Variants in LIMCH1 observed in about 807,000 individuals in gnomAD.
LIMCH1 encodes LIM and calponin homology domains-containing protein 1.
In LIMCH1, 113 loss-of-function variants were observed where a neutral mutation model predicts 176.5. The observed-to-expected ratio is 0.64, with a 90% CI of 0.55 to 0.75. The LOEUF (loss-of-function observed/expected upper bound fraction) is 0.75. Ranked by LOEUF, LIMCH1 falls within the 30% of genes least tolerant of loss-of-function variation. The pLI, the probability that LIMCH1 is intolerant of heterozygous loss-of-function variation, is 0.00. For synonymous variants in LIMCH1, 619 were observed against 645.9 expected (o/e 0.96, Z 0.63); for missense variants, 1,674 against 1,814.9 (o/e 0.92, Z 1.41).
intron 1 of LIMCH1, among the ~76,000 whole-genome samples, chr4:41,397,782 A>G (rs991071186): frequency 2.6e-5 from 4 of 152,354 alleles, no homozygotes; most frequent in Admixed American, 6.5e-5. Context: ...TGACTTTGTC[A>G]ATTTCTCCTT....
At chr4:41,471,328 C>T (rs2066929015) in intron 1 of LIMCH1, among the ~76,000 whole-genome samples, 1 of 152,176 alleles carries the variant, frequency 6.6e-6, no homozygotes, top group Admixed American at 6.5e-5. Flanking sequence ...GAAGCTGACT[C>T]ACCTTGAACT....
intron 4 of LIMCH1, among the ~76,000 whole-genome samples, chr4:41,608,888 A>G (rs1428424737): frequency 6.6e-6 from 1 of 152,042 alleles, no homozygotes; most frequent in Non-Finnish European, 1.5e-5. Context: ...TAAACTCATT[A>G]TTTCTTCCTA....
chr4:41,391,896 T>C (rs1042649171), intron 1 of LIMCH1, among the ~76,000 whole-genome samples: 1 of 152,222 alleles, frequency 6.6e-6, no homozygotes, highest in Admixed American at 6.5e-5. Flanking sequence ...TTTTGATAAA[T>C]GCACTATGGT....
intron 1 of LIMCH1, among the ~76,000 whole-genome samples, chr4:41,407,322 G>T (rs1420745688): frequency 6.6e-6 from 1 of 152,132 alleles, no homozygotes; most frequent in East Asian, 1.9e-4. Flanking sequence ...TCGACCTGCT[G>T]GGCTCAAGCG....
At chr4:41,540,007 T>C (rs1440412992) in intron 1 of LIMCH1, among the ~76,000 whole-genome samples, 2 of 152,212 alleles carry the variant, frequency 1.3e-5, no homozygotes, top group African/African-American at 4.8e-5. Context: ...TTAAGAGCTC[T>C]CCTTCAGGAC....
chr4:41,498,182 C>CAGTCA (rs2072558301), intron 2 of LIMCH1, among the ~76,000 whole-genome samples: 2 of 152,070 alleles, frequency 1.3e-5, no homozygotes, highest in Admixed American at 1.3e-4. Flanking sequence ...TTTGATAGAG[C>CAGTCA]AGTCAAGACC....
chr4:41,578,327 C>A (rs1490706327), intron 1 of LIMCH1, among the ~76,000 whole-genome samples: 1 of 152,110 alleles, frequency 6.6e-6, no homozygotes, highest in African/African-American at 2.4e-5. Context: ...ATGAGAACAG[C>A]GTAGAGGAAA....
intron 1 of LIMCH1, among the ~76,000 whole-genome samples, chr4:41,576,510 T>A (rs542303149): frequency 6.6e-6 from 1 of 152,324 alleles, no homozygotes; most frequent in East Asian, 1.9e-4. Context: ...GAGGTTTTCA[T>A]TGCAGCATTT....
At chr4:41,373,051 T>C (rs563764167) in intron 1 of LIMCH1, among the ~76,000 whole-genome samples, 1 of 152,316 alleles carries the variant, frequency 6.6e-6, no homozygotes, top group South Asian at 2.1e-4. Context: ...AGATTTCCAT[T>C]CCACCTGGAA....
chr4:41,514,645 C>T (rs375741603), intron 2 of LIMCH1, among the ~76,000 whole-genome samples: 2 of 152,300 alleles, frequency 1.3e-5, no homozygotes, highest in African/African-American at 4.8e-5. Flanking sequence ...CCAGCACAGT[C>T]TCTATACAGA....
chr4:41,595,341 T>C (rs1362294184), intron 1 of LIMCH1, among the ~76,000 whole-genome samples: 1 of 152,196 alleles, frequency 6.6e-6, no homozygotes. Context: ...ATAAGGCACC[T>C]GGAAATTTGG....
rs2094835762 is a variant in LIMCH1 at position 41,666,643 on chromosome 4, A to G, written c.3374A>G (p.His1125Arg). 2.5e-6 allele frequency: 4 copies of G among 1,612,748 alleles called. No individual in the cohort carries two copies. Among genetic ancestry groups the G allele is most frequent in the East Asian group, 4.5e-5 (2 of 44,880 alleles). ...LDKMPEANQL[H>R]LPNLNSQVDS... ...AAAATGCCTGAAGCCAACCAACTAC[A>G]TTTGCCAAATCTCAATTCTCAAGGT... Residue 1125 changes from histidine to arginine, a missense_variant, in exon 21 of 32, where the codon CAT (histidine) becomes CGT (arginine). By Grantham distance (29) the His-to-Arg change is conservative. Around this residue, in one of 3 missense-constraint regions of LIMCH1, gnomAD observed 1,015 missense variants for 1,102.5 expected, o/e 0.92. Coordinates refer to ENST00000503057, the MANE Select transcript of LIMCH1 (RefSeq NM_001330672.2).
At chr4:41,476,596 T>A (rs931225021) in intron 1 of LIMCH1, among the ~76,000 whole-genome samples, 6 of 152,320 alleles carry the variant, frequency 3.9e-5, no homozygotes, top group Admixed American at 2.0e-4. Context: ...AAGAACAGAT[T>A]TCCTGCCATA....
At chr4:41,369,017 T>A (rs78000714) in intron 1 of LIMCH1, among the ~76,000 whole-genome samples, 2,963 of 152,318 alleles carry the variant, frequency 0.019, 44 homozygotes, top group Middle Eastern at 0.037. Flanking sequence ...CTTAGGGTGG[T>A]GACCCACAGA....
At chr4:41,628,689 T>TTA (rs1561985839) in intron 8 of LIMCH1, among the ~76,000 whole-genome samples, 1 of 152,158 alleles carries the variant, frequency 6.6e-6, no homozygotes, top group Non-Finnish European at 1.5e-5. Context: ...AATGGAATAT[T>TTA]TATATATATA....
exon 2 of LIMCH1, chr4:41,494,551 A>G (rs762296496): frequency 6.2e-7 from 1 of 1,613,170 alleles, no homozygotes; most frequent in Non-Finnish European, 8.5e-7. Flanking sequence ...AACTGGCAGA[A>G]GTTTTGGTGA....
At chr4:41,562,527 A>G (rs887083560) in intron 1 of LIMCH1, among the ~76,000 whole-genome samples, 2 of 152,238 alleles carry the variant, frequency 1.3e-5, no homozygotes, top group Non-Finnish European at 2.9e-5. Context: ...GAGAATTAGC[A>G]TGGGTCCAGT....
rs542207283 is a variant in LIMCH1, at chr4:41,374,510, G to A, written c.96+13574G>A. 3.3e-5 allele frequency among the ~76,000 whole-genome samples: 5 copies of A among 152,028 alleles called. No homozygotes were observed. The South Asian group carries it at 1.0e-3, about 32-fold the overall frequency. ...TAAGTAGTATGATATATTTAAAAAT[G>A]TATTTCTTATTTTATTTTAAACTCT... is the stretch of plus-strand genomic sequence containing the variant. On this transcript the variant is annotated intron_variant, in intron 1 of 26. Coordinates refer to the LIMCH1 transcript ENST00000313860.
intron 23 of LIMCH1, among the ~76,000 whole-genome samples, chr4:41,677,701 G>C (rs1363872686): frequency 1.3e-5 from 2 of 152,144 alleles, no homozygotes; most frequent in Non-Finnish European, 2.9e-5. Flanking sequence ...ATTGAAGAAA[G>C]TAAAGTTCAC....
Sources: gnomAD v4.1 joint callset for allele counts (sites outside exome capture counted in the v4.1 genomes callset) on GRCh38, gnomAD v4.1.1 for gene constraint, gnomAD v4.1.1 regional missense constraint, MANE v1.5 for transcripts, NCBI Gene and HGNC (gene_info 2026-07-23, HGNC 2026-07-21) for gene names.